The following SPDYE18 variants were observed in gnomAD, a reference collection of about 807,000 sequenced individuals.
The protein encoded by SPDYE18 is speedy protein E18.
A neutral mutation model predicts 44.9 loss-of-function variants in SPDYE18; 6 were observed. The ratio of observed to expected loss-of-function variants is 0.13; its 90% CI spans 0.07 to 0.26. SPDYE18 has a LOEUF of 0.26. SPDYE18 is among the 10% of genes least tolerant of loss of function. SPDYE18 has a pLI of 1.00. For synonymous variants in SPDYE18, 35 were observed against 177.1 expected (o/e 0.20, Z 6.37); for missense variants, 121 against 463.2 (o/e 0.26, Z 6.78).
At position 77,051,274 on chromosome 7, in the gene SPDYE18, T is replaced by G. The variant is rs1355898529; in HGVS notation, c.*651A>C. Among the ~76,000 whole-genome samples, 1 of 152,224 alleles carries G rather than the reference T, an allele frequency of 6.6e-6. No individual in the cohort carries two copies. Among genetic ancestry groups the G allele is most frequent in the African/African-American group, 2.4e-5 (1 of 41,478 alleles). ...GATAAAAAGAATTGTCTCTTAAAAATGAAAAGAAAATTATCTTTATGTATA... is the reference window on the plus strand; with the variant it reads ...GATAAAAAGAATTGTCTCTTAAAAAGGAAAAGAAAATTATCTTTATGTATA... On this transcript the variant is annotated 3_prime_UTR_variant, in exon 9 of 9. Coordinates refer to ENST00000510091, the MANE Select transcript of SPDYE18 (RefSeq NM_001394953.1).
chr7:77,062,480 A>G lies in SPDYE18; in HGVS notation c.-422+16T>C, dbSNP rs1790033396. ...ATCTTCAAGCCTGGTTTGATGGAGGAATAGGGGCTGGTCACCTGCATTTCC... is the reference window on the plus strand; with the variant it reads ...ATCTTCAAGCCTGGTTTGATGGAGGGATAGGGGCTGGTCACCTGCATTTCC... On this transcript the variant is annotated intron_variant, in intron 1 of 8. Coordinates refer to ENST00000510091, the MANE Select transcript of SPDYE18 (RefSeq NM_001394953.1). 2.0e-5 allele frequency among the ~76,000 whole-genome samples: 3 copies of G among 152,098 alleles called. No individual in the cohort carries two copies. The highest frequency in any genetic ancestry group is 7.2e-5 in the African/African-American group (3 of 41,428).
At chr7:77,055,056 C>T (rs1377925937) in intron 6 of SPDYE18, among the ~76,000 whole-genome samples, 180 bp downstream of exon 6, 2 of 152,388 alleles carry the variant, frequency 1.3e-5, no homozygotes, top group East Asian at 3.9e-4. Context: ...GCGTATGCCA[C>T]TGTGCCCAGC....
Position 77,051,194 on chromosome 7 carries a change from T to C in SPDYE18, c.*731A>G, listed in dbSNP as rs1225402390. On this transcript the variant is annotated 3_prime_UTR_variant, in exon 9 of 9. Coordinates refer to ENST00000510091, the MANE Select transcript of SPDYE18 (RefSeq NM_001394953.1). Reference sequence around the variant, plus strand: ...TATCATAGATAAAAAGAGTGCTCGCTTCAGGAGCACATATAATAATACAGA... The same window carrying C: ...TATCATAGATAAAAAGAGTGCTCGCCTCAGGAGCACATATAATAATACAGA... 6.6e-6 allele frequency among the ~76,000 whole-genome samples: 1 copy of C among 152,096 alleles called. No individual in the cohort carries two copies. Among genetic ancestry groups the C allele is most frequent in the Admixed American group, 6.5e-5 (1 of 15,282 alleles).
At chr7:77,054,146 C>T (rs1341717068) in intron 6 of SPDYE18, among the ~76,000 whole-genome samples, 1 of 151,980 alleles carries the variant, frequency 6.6e-6, no homozygotes, top group African/African-American at 2.4e-5. Context: ...GAGCTACGGG[C>T]ATGCAGAAGT....
Position 77,060,347 on chromosome 7 carries a change from C to A in SPDYE18, c.160+6G>T. 4.6e-6 allele frequency: 7 copies of A among 1,535,330 alleles called. No individual in the cohort carries two copies. The South Asian group carries it at 8.3e-5, about 18-fold the overall frequency. ...ATCCCACCTCTTCTTCCACCAGTCC[C>A]CTCACCTGATGGTCCCAACACTTCA... On this transcript the variant is annotated splice_donor_region_variant and intron_variant, in intron 2 of 8. Coordinates refer to ENST00000510091, the MANE Select transcript of SPDYE18 (RefSeq NM_001394953.1).
intron 6 of SPDYE18, among the ~76,000 whole-genome samples, chr7:77,053,569 G>A (rs1416949831): frequency 6.6e-6 from 1 of 152,274 alleles, no homozygotes; most frequent in Non-Finnish European, 1.5e-5. Flanking sequence ...GCCAGACGCG[G>A]TGGCTCATGC....
chr7:77,052,582 G>A (rs546493168), intron 8 of SPDYE18, among the ~76,000 whole-genome samples, 151 bp downstream of exon 8: 7 of 150,958 alleles, frequency 4.6e-5, no homozygotes, highest in Non-Finnish European at 8.9e-5. Context: ...GTAGAGATGC[G>A]TCCCACATCG....
Position 77,057,442 on chromosome 7 carries a change from C to T in SPDYE18, c.610+195G>A, listed in dbSNP as rs55808364. Among the ~76,000 whole-genome samples, 281 of 150,484 alleles carry T rather than the reference C, an allele frequency of 1.9e-3. 6 individuals are homozygous for T. The highest frequency in any genetic ancestry group is 8.6e-3 in the Admixed American group (130 of 15,166). On this transcript the variant is annotated intron_variant, in intron 4 of 8. Coordinates refer to ENST00000510091, the MANE Select transcript of SPDYE18 (RefSeq NM_001394953.1). ...CAAAACCAAGCTTTCTTATCCCAAG[C>T]GCTGACCTTTATCAAGTTGACCTAA... is the stretch of plus-strand genomic sequence containing the variant.
chr7:77,052,538 G>A (rs1181206690), intron 8 of SPDYE18, among the ~76,000 whole-genome samples, 195 bp downstream of exon 8: 3 of 152,230 alleles, frequency 2.0e-5, no homozygotes, highest in Admixed American at 6.5e-5. Context: ...AGGCTCCAGC[G>A]ATCCTCCCGC....
chr7:77,053,565 C>T (rs1442930115), intron 6 of SPDYE18, among the ~76,000 whole-genome samples: 8 of 152,356 alleles, frequency 5.3e-5, no homozygotes, highest in Middle Eastern at 3.4e-3. Context: ...ATATGCCAGA[C>T]GCGGTGGCTC....
intron 6 of SPDYE18, among the ~76,000 whole-genome samples, chr7:77,053,924 C>T (rs1365330994): frequency 1.4e-5 from 2 of 146,720 alleles, no homozygotes; most frequent in East Asian, 2.3e-4. Flanking sequence ...GTGGGAGGAT[C>T]GCTTGAGCCC....
intron 6 of SPDYE18, among the ~76,000 whole-genome samples, chr7:77,054,710 A>T (rs1789886415): frequency 6.7e-6 from 1 of 149,106 alleles, no homozygotes; most frequent in African/African-American, 2.5e-5. Flanking sequence ...GGAGCGGTTT[A>T]TGGTTCCTTT....
intron 6 of SPDYE18, among the ~76,000 whole-genome samples, chr7:77,054,229 G>T (rs1452881848): frequency 6.7e-6 from 1 of 150,120 alleles, no homozygotes; most frequent in African/African-American, 2.4e-5. Context: ...TCCCTTCAGA[G>T]CCACATGTGT....
intron 2 of SPDYE18, among the ~76,000 whole-genome samples, chr7:77,059,688 C>T (rs1198417021): frequency 3.3e-5 from 5 of 150,990 alleles, no homozygotes; most frequent in Non-Finnish European, 5.9e-5. Context: ...CTTGGTTTGT[C>T]ACCCAGGCTG....
intron 3 of SPDYE18, among the ~76,000 whole-genome samples, chr7:77,058,582 A>G (rs1417519016): frequency 8.3e-5 from 12 of 144,136 alleles, no homozygotes; most frequent in Non-Finnish European, 1.7e-4. Flanking sequence ...TCTTGGCTCA[A>G]AGCAACCTCT....
intron 6 of SPDYE18, among the ~76,000 whole-genome samples, chr7:77,054,641 C>T (rs1423443087): frequency 1.3e-5 from 2 of 152,234 alleles, no homozygotes; most frequent in African/African-American, 2.4e-5. Flanking sequence ...GAACCAGAAA[C>T]GTCTGCTTGC....
rs1789778302 is a variant in SPDYE18 at position 77,050,947 on chromosome 7, TAAA to T, written c.*975_*977del. Among the ~76,000 whole-genome samples the T allele has an allele frequency of 2.0e-5, 3 of 150,154 alleles. No homozygotes were observed. The highest frequency in any genetic ancestry group is 1.9e-4 in the East Asian group (1 of 5,160). On this transcript the variant is annotated 3_prime_UTR_variant, in exon 9 of 9. Transcript: ENST00000510091. The stretch of plus-strand genomic sequence containing the variant: ...ATATTTCAATAAATAAAATAATACT[TAAA>T]TAATTCTATACCCATGTTTTTCAAA...
chr7:77,051,480 A>G lies in SPDYE18; in HGVS notation c.*445T>C, dbSNP rs1470341436. Among the ~76,000 whole-genome samples, 3 of 152,300 alleles carry G rather than the reference A, an allele frequency of 2.0e-5. No individual in the cohort carries two copies. The highest frequency in any genetic ancestry group is 2.0e-4 in the Admixed American group (3 of 15,290). On this transcript the variant is annotated 3_prime_UTR_variant, in exon 9 of 9. Coordinates refer to ENST00000510091, the MANE Select transcript of SPDYE18 (RefSeq NM_001394953.1). ...TTACAATCTGTGGCACTGATATTTC[A>G]CAAAAGAATTCTGTGCCAATCTGAG...
intron 6 of SPDYE18, among the ~76,000 whole-genome samples, chr7:77,053,715 G>A (rs1358928541): frequency 3.1e-4 from 47 of 151,958 alleles, no homozygotes; most frequent in African/African-American, 1.0e-3. Context: ...TGGCACACCC[G>A]TTAGGCCTAG....
Sources: gnomAD v4.1 joint callset for allele counts (sites outside exome capture counted in the v4.1 genomes callset) on GRCh38, gnomAD v4.1.1 for gene constraint, MANE v1.5 for transcripts, NCBI Gene and HGNC (gene_info 2026-07-23, HGNC 2026-07-21) for gene names.